PDE3B: variants seen among roughly 807,000 people sequenced by gnomAD.
The protein encoded by PDE3B is cGMP-inhibited 3',5'-cyclic phosphodiesterase 3B.
In PDE3B, 66 loss-of-function variants were observed where a neutral mutation model predicts 116.8. The observed-to-expected ratio is 0.56, with a 90% CI of 0.46 to 0.69. The LOEUF is 0.69. PDE3B is among the 30% of genes least tolerant of loss of function. The pLI, the probability that PDE3B is intolerant of heterozygous loss-of-function variation, is 0.00. For synonymous variants in PDE3B, 595 were observed against 533.6 expected, an observed-to-expected ratio of 1.12 and a Z score of -1.59; for missense variants, 1,384 against 1,368.1, an observed-to-expected ratio of 1.01 and a Z score of -0.18.
chr11:14,772,577 A>G lies in PDE3B; in HGVS notation c.1029+590A>G, dbSNP rs995467342. On this transcript the variant is annotated intron_variant, in intron 2 of 15. Coordinates refer to ENST00000282096, the MANE Select transcript of PDE3B (RefSeq NM_000922.4). ...ATATGCCCAATTCCAGTCATTACCT[A>G]TATCCCCAAAGATAAATCCTATCCG... 5.3e-5 allele frequency: 8 copies of G among 151,966 alleles called. No individual in the cohort carries two copies. In the East Asian group the frequency reaches 5.8e-4, roughly 11 times the overall value. 9.4% of individuals were successfully genotyped at this position (151,966 alleles called of 1,614,324 possible). A position where few individuals can be genotyped will look rare whatever the true frequency, so the allele number is the denominator to read the frequency against.
intron 1 of PDE3B, among the ~76,000 whole-genome samples, chr11:14,693,859 TG>T (rs1855123491): frequency 6.6e-6 from 1 of 152,162 alleles, no homozygotes; most frequent in Non-Finnish European, 1.5e-5. Flanking sequence ...AGGCTATAGC[TG>T]CCATAGATTG....
At chr11:14,691,031 G>GGTTAAA (rs1855028510) in intron 1 of PDE3B, among the ~76,000 whole-genome samples, 1 of 152,100 alleles carries the variant, frequency 6.6e-6, no homozygotes, top group African/African-American at 2.4e-5. Context: ...TAGCAAGAGA[G>GGTTAAA]GTTAAAGCAG....
In PDE3B at chr11:14,803,302, G is replaced by A. The variant is rs552937168; in HGVS notation, c.1416-642G>A. On this transcript the variant is annotated intron_variant, in intron 4 of 15. Coordinates refer to ENST00000282096, the MANE Select transcript of PDE3B (RefSeq NM_000922.4). ...AAGAATGACTGAGCATTGACAGGGA[G>A]ATGAGTTCATTGGGTGGTATTATTT... Among the ~76,000 whole-genome samples, 29 of 152,332 alleles carry A rather than the reference G, an allele frequency of 1.9e-4. No individual in the cohort carries two copies. The South Asian group carries it at 5.8e-3, about 30-fold the overall frequency.
the PDE3B span, chr11:14,878,285 C>T: frequency 1.7e-5 from 28 of 1,612,774 alleles, no homozygotes; most frequent in Non-Finnish European, 2.3e-5. Context: ...TTCTCCAAGA[C>T]AATGTCTTCT....
chr11:14,699,060 G>A (rs993761599), intron 1 of PDE3B: 1 of 151,884 alleles, frequency 6.6e-6, no homozygotes, highest in African/African-American at 2.4e-5. Flanking sequence ...GAGGGTTGTG[G>A]CTTAAAGTAG....
At chr11:14,881,327 C>T in the PDE3B span, among the ~76,000 whole-genome samples, 2 of 152,076 alleles carry the variant, frequency 1.3e-5, no homozygotes, top group African/African-American at 4.8e-5. Context: ...AAAGGGCAAA[C>T]ATGAAGCTCA....
At chr11:14,737,532 G>A (rs1056543790) in intron 1 of PDE3B, among the ~76,000 whole-genome samples, 2 of 152,152 alleles carry the variant, frequency 1.3e-5, no homozygotes, top group South Asian at 2.1e-4. Context: ...TTGTAGCTCC[G>A]TGAAATGAAA....
intron 1 of PDE3B, among the ~76,000 whole-genome samples, chr11:14,649,920 C>T (rs1853522513): frequency 1.3e-5 from 2 of 152,194 alleles, no homozygotes; most frequent in African/African-American, 4.8e-5. Flanking sequence ...TGGGTTCTGT[C>T]TGTGGGTGGT....
At chr11:14,750,880 A>AT (rs936439850) in intron 1 of PDE3B, among the ~76,000 whole-genome samples, 22 of 151,994 alleles carry the variant, frequency 1.4e-4, no homozygotes, top group Admixed American at 1.3e-3. Context: ...GATCTCATTC[A>AT]TTTTTTTTAG....
intron 1 of PDE3B, among the ~76,000 whole-genome samples, chr11:14,723,219 C>G (rs953713544): frequency 2.6e-5 from 4 of 152,120 alleles, no homozygotes; most frequent in African/African-American, 9.7e-5. Context: ...CCAATTTAGC[C>G]ATTGTACTAA....
chr11:14,670,875 A>G (rs1854343464), intron 1 of PDE3B, among the ~76,000 whole-genome samples: 1 of 151,802 alleles, frequency 6.6e-6, no homozygotes, highest in African/African-American at 2.4e-5. Flanking sequence ...TGATACGTAT[A>G]ATTTTTTTTT....
chr11:14,783,925 C>T (rs867602482), intron 2 of PDE3B, among the ~76,000 whole-genome samples: 4 of 152,248 alleles, frequency 2.6e-5, no homozygotes, highest in East Asian at 3.9e-4. Flanking sequence ...GCCACATAGC[C>T]GGAGATGAGC....
intron 1 of PDE3B, among the ~76,000 whole-genome samples, chr11:14,662,000 C>T (rs1650972294): frequency 6.6e-6 from 1 of 152,152 alleles, no homozygotes; most frequent in African/African-American, 2.4e-5. Context: ...GGCAGACTGC[C>T]TCCTCAAGTG....
intron 1 of PDE3B, among the ~76,000 whole-genome samples, chr11:14,771,722 A>G (rs1857645972): frequency 6.6e-6 from 1 of 151,648 alleles, no homozygotes; most frequent in African/African-American, 2.4e-5. Context: ...TGTTTTAGTT[A>G]CTTTATTGTG....
At chr11:14,891,472 T>C in the PDE3B span, 29 of 986,646 alleles carry the variant, frequency 2.9e-5, no homozygotes, top group African/African-American at 4.7e-4. Context: ...CCCTGCATTC[T>C]CCATTCTCAC....
chr11:14,818,013 A>G (rs1859386252), intron 5 of PDE3B, among the ~76,000 whole-genome samples, 170 bp from the exon 6 acceptor site: 1 of 152,220 alleles, frequency 6.6e-6, no homozygotes, highest in African/African-American at 2.4e-5. Context: ...CAAATATTGC[A>G]TAAGTTTCTA....
rs1202118620 is a variant in PDE3B, at chr11:14,830,770, A to G, written c.1880A>G (p.Lys627Arg). 3.9e-6 allele frequency: 6 copies of G among 1,546,192 alleles called. No individual in the cohort carries two copies. Among genetic ancestry groups the G allele is most frequent in the Admixed American group, 2.2e-5 (1 of 45,746 alleles). ...METQQEEETE[K>R]KDSRKLFQEG... ...ACTCAACAAGAAGAGGAAACAGAGA[A>G]GAAAGACAGCAGAAAATTATTTCAG... The change falls in exon 8 of 16, where the codon AAG becomes AGG. Residue 627 changes from lysine to arginine, a missense_variant. Physicochemically the swap from Lys to Arg is conservative, Grantham distance 26. Coordinates refer to ENST00000282096, the MANE Select transcript of PDE3B (RefSeq NM_000922.4).
intron 1 of PDE3B, among the ~76,000 whole-genome samples, chr11:14,696,856 A>G (rs1855221394): frequency 6.6e-6 from 1 of 152,094 alleles, no homozygotes; most frequent in African/African-American, 2.4e-5. Flanking sequence ...AGTGCTTTTG[A>G]ATATTAATTT....
At chr11:14,873,300 A>C (rs1022247587), downstream of PDE3B, among the ~76,000 whole-genome samples, 6 of 152,208 alleles carry the variant, frequency 3.9e-5, no homozygotes, top group African/African-American at 1.4e-4. Context: ...AAGTTACCTG[A>C]TACATGAATC....
Sources: allele counts gnomAD v4.1 joint callset (sites outside exome capture counted in the v4.1 genomes callset), GRCh38; gene constraint gnomAD v4.1.1; transcripts MANE v1.5; gene names NCBI Gene and HGNC (gene_info 2026-07-23, HGNC 2026-07-21).